The following RRP15 variants were observed in gnomAD, a reference collection of about 807,000 sequenced individuals.
The protein encoded by RRP15 is RRP15-like protein.
A neutral mutation model predicts 27.1 loss-of-function variants in RRP15; 18 were observed. The ratio of observed to expected loss-of-function variants is 0.66; its 90% CI spans 0.46 to 0.98. The LOEUF (loss-of-function observed/expected upper bound fraction) is 0.98, where lower values mean the gene tolerates loss of function less well. Among genes scored for constraint, RRP15 ranks in the 50% least tolerant of loss-of-function variants. RRP15 has a pLI of 0.00. For missense variants in RRP15, 359 were observed against 337.8 expected (o/e 1.06, Z -0.49); for synonymous variants, 107 against 109.4 (o/e 0.98, Z 0.14).
rs1656438148 is a variant in RRP15 at position 218,335,750 on chromosome 1, A to G, written c.*4659A>G. On this transcript the variant is annotated 3_prime_UTR_variant, in exon 5 of 5. Coordinates refer to ENST00000366932, the MANE Select transcript of RRP15 (RefSeq NM_016052.4). ...TGTAAATCTGTCTTAAGCTTTTTCC[A>G]TAAACTTTTATTGATATAATTTAGG... The G allele has an allele frequency of 6.6e-6, 1 of 152,212 alleles. No individual in the cohort carries two copies. 9.4% of individuals were successfully genotyped at this position (152,212 alleles called of 1,614,324 possible).
At chr1:218,299,858 A>C (rs192528042) in intron 1 of RRP15, among the ~76,000 whole-genome samples, 125 of 152,288 alleles carry the variant, frequency 8.2e-4, no homozygotes, top group Middle Eastern at 3.4e-3. Flanking sequence ...TTTGTTTTCC[A>C]GTGTACTTTC....
At chr1:218,302,886 T>G (rs1655836286) in intron 2 of RRP15, among the ~76,000 whole-genome samples, 1 of 152,156 alleles carries the variant, frequency 6.6e-6, no homozygotes, top group African/African-American at 2.4e-5. Flanking sequence ...CTGACTTTAT[T>G]AGGTTGTGAA....
chr1:218,315,526 C>G (rs1268811613), intron 4 of RRP15, among the ~76,000 whole-genome samples: 1 of 152,156 alleles, frequency 6.6e-6, no homozygotes, highest in Non-Finnish European at 1.5e-5. Flanking sequence ...CTCCCAGGTT[C>G]AAGCAATTCT....
intron 4 of RRP15, among the ~76,000 whole-genome samples, chr1:218,323,597 C>T (rs1656223565): frequency 6.6e-6 from 1 of 152,190 alleles, no homozygotes; most frequent in Admixed American, 6.5e-5. Context: ...GGGGCCTCAC[C>T]GGGGACCCTC....
At chr1:218,295,523 C>T (rs149828469) in intron 1 of RRP15, among the ~76,000 whole-genome samples, 349 of 152,290 alleles carry the variant, frequency 2.3e-3, no homozygotes, top group African/African-American at 8.0e-3. Context: ...CTACTTATAA[C>T]AAAAGACTTG....
At position 218,333,013 on chromosome 1, in the gene RRP15, G is replaced by A. The variant is rs184359029; in HGVS notation, c.*1922G>A. On this transcript the variant is annotated 3_prime_UTR_variant, in exon 5 of 5. Coordinates refer to ENST00000366932, the MANE Select transcript of RRP15 (RefSeq NM_016052.4). ...AATAGTACATTCACATGATAGATAC[G>A]GATAAATACCTTATTTACTAAAATG... is the stretch of plus-strand genomic sequence containing the variant. 1.9e-4 allele frequency: 29 copies of A among 152,014 alleles called. No homozygotes were observed. The East Asian group carries it at 5.4e-3, about 28-fold the overall frequency. 9.4% of individuals were successfully genotyped at this position (152,014 alleles called of 1,614,324 possible).
intron 4 of RRP15, among the ~76,000 whole-genome samples, chr1:218,321,851 A>T (rs1165141649): frequency 6.6e-6 from 1 of 151,330 alleles, no homozygotes; most frequent in Non-Finnish European, 1.5e-5. Context: ...TTTTTCTTAT[A>T]TTAATCTTTG....
At chr1:218,291,601 G>A (rs1042796336) in intron 1 of RRP15, among the ~76,000 whole-genome samples, 5 of 135,968 alleles carry the variant, frequency 3.7e-5, no homozygotes, top group Non-Finnish European at 6.1e-5. Flanking sequence ...GTGCTATCTC[G>A]GTTCACCACA....
At chr1:218,316,762 A>G (rs914119270) in intron 4 of RRP15, among the ~76,000 whole-genome samples, 10 of 152,192 alleles carry the variant, frequency 6.6e-5, no homozygotes, top group Non-Finnish European at 7.3e-5. Flanking sequence ...CGAGTTCCCT[A>G]TATTGGTGCT....
chr1:218,304,942 C>A, intron 2 of RRP15, 86 bp from the exon 3 acceptor site: 1 of 1,215,732 alleles, frequency 8.2e-7, no homozygotes, highest in Non-Finnish European at 1.2e-6. Flanking sequence ...TTATTACCTT[C>A]ACCCTTTCAC....
chr1:218,307,624 G>C lies in RRP15; in HGVS notation c.697G>C (p.Ala233Pro). ...TGCTTCAAGCAGGAAGAAACCAAAA[G>C]CCAAACAGGTAAAAACTTTTCTATA... Reference protein sequence around the residue: ...ETASSRKKPKAKQTEVKSEEG... With the variant: ...ETASSRKKPKPKQTEVKSEEG... Residue 233 changes from alanine to proline, a missense_variant, in exon 4 of 5, where the codon GCC (alanine) becomes CCC (proline). Transcript: ENST00000366932. 6.2e-7 allele frequency: 1 copy of C among 1,612,626 alleles called. No homozygotes were observed. Among genetic ancestry groups the C allele is most frequent in the Non-Finnish European group, 8.5e-7 (1 of 1,179,170 alleles).
At chr1:218,318,932 A>C (rs1007946448) in intron 4 of RRP15, among the ~76,000 whole-genome samples, 8 of 152,032 alleles carry the variant, frequency 5.3e-5, no homozygotes, top group East Asian at 1.9e-4. Flanking sequence ...TTTGTTTTCT[A>C]ATTTATTAGC....
rs1656436096 is a variant in RRP15 at position 218,335,591 on chromosome 1, C to G, written c.*4500C>G. On this transcript the variant is annotated 3_prime_UTR_variant, in exon 5 of 5. Coordinates refer to ENST00000366932, the MANE Select transcript of RRP15 (RefSeq NM_016052.4). ...ACGTGTGGCTTGTGATACAGAGGAA[C>G]TAAATTTTTAATTTTACTTAATTAC... 2 of 152,112 alleles carry G rather than the reference C, an allele frequency of 1.3e-5. No individual in the cohort carries two copies. The highest frequency in any genetic ancestry group is 4.1e-4 in the South Asian group (2 of 4,828). 9.4% of individuals were successfully genotyped at this position (152,112 alleles called of 1,614,324 possible). A position where few individuals can be genotyped will look rare whatever the true frequency, so the allele number is the denominator to read the frequency against.
chr1:218,329,029 C>G (rs1016441553), intron 4 of RRP15, among the ~76,000 whole-genome samples: 19 of 151,992 alleles, frequency 1.3e-4, no homozygotes, highest in African/African-American at 4.6e-4. Flanking sequence ...TGAATTCTTA[C>G]TTTGACAGGA....
chr1:218,300,721 A>G (rs540918103), intron 1 of RRP15, among the ~76,000 whole-genome samples: 36 of 152,368 alleles, frequency 2.4e-4, no homozygotes, highest in African/African-American at 8.4e-4. Flanking sequence ...TGAAGAATAG[A>G]TAATTTTGAA....
intron 1 of RRP15, among the ~76,000 whole-genome samples, chr1:218,300,463 A>T (rs950999540): frequency 8.5e-5 from 13 of 152,326 alleles, no homozygotes; most frequent in Admixed American, 5.2e-4. Context: ...CTGAAAAAAT[A>T]AAGGTATTAC....
At chr1:218,290,426 T>A (rs183243844) in intron 1 of RRP15, among the ~76,000 whole-genome samples, 1 of 152,140 alleles carries the variant, frequency 6.6e-6, no homozygotes, top group Admixed American at 6.5e-5. Flanking sequence ...TAACCTTGTC[T>A]TATGTGGATT....
chr1:218,331,192 C>A lies in RRP15; in HGVS notation c.*101C>A. On this transcript the variant is annotated 3_prime_UTR_variant, in exon 5 of 5. Transcript: ENST00000366932. Reference sequence around the variant, plus strand: ...TATAAGGATACCATTTGTAAGAAAGCCAAAAGACTTTTGCCAGATTTCATA... The same window carrying A: ...TATAAGGATACCATTTGTAAGAAAGACAAAAGACTTTTGCCAGATTTCATA... 2 of 1,135,284 alleles carry A rather than the reference C, an allele frequency of 1.8e-6. No homozygotes were observed. The highest frequency in any genetic ancestry group is 2.4e-6 in the Non-Finnish European group (2 of 826,224). 70.3% of individuals were successfully genotyped at this position (1,135,284 alleles called of 1,614,324 possible).
rs1169026930 is a variant in RRP15 at position 218,336,101 on chromosome 1, T to C, written c.*5010T>C. ...CATGTAAGGAGTGAATTCCCATGTT[T>C]TTCACTTATATCTAGAGGCCTACTT... On this transcript the variant is annotated 3_prime_UTR_variant, in exon 5 of 5. Transcript: ENST00000366932. 1.3e-5 allele frequency: 2 copies of C among 152,138 alleles called. No individual in the cohort carries two copies. Among genetic ancestry groups the C allele is most frequent in the African/African-American group, 4.8e-5 (2 of 41,420 alleles). The allele number at this position is 152,138 out of a possible 1,614,324, so 9.4% of individuals were successfully genotyped here. A position where few individuals can be genotyped will look rare whatever the true frequency, so the allele number is the denominator to read the frequency against.
Sources: allele counts gnomAD v4.1 joint callset (sites outside exome capture counted in the v4.1 genomes callset), GRCh38; gene constraint gnomAD v4.1.1; transcripts MANE v1.5; gene names NCBI Gene and HGNC (gene_info 2026-07-23, HGNC 2026-07-21).